The following GLT1D1 variants were observed in gnomAD, a reference collection of about 807,000 sequenced individuals.
The protein encoded by GLT1D1 is glycosyltransferase 1 domain containing 1, also known as glycosyltransferase 1 domain-containing protein 1.
GLT1D1 carries 21 observed loss-of-function variants against 28.7 expected under a neutral mutation model. The ratio of observed to expected loss-of-function variants is 0.73; its 90% confidence interval spans 0.52 to 1.05. The LOEUF is 1.05. Ranked by LOEUF, GLT1D1 falls within the 50% of genes least tolerant of loss-of-function variation. The pLI is 0.00. For synonymous variants in GLT1D1, 147 were observed against 124.8 expected (o/e 1.18, Z -1.19); for missense variants, 343 against 330.6 (o/e 1.04, Z -0.29).
At chr12:128,959,982 T>C (rs1218409921) in intron 7 of GLT1D1, among the ~76,000 whole-genome samples, 3 of 152,200 alleles carry the variant, frequency 2.0e-5, no homozygotes, top group African/African-American at 7.2e-5. Flanking sequence ...ATGAGAGCTG[T>C]TTGGCTCTTC....
rs370643851 is a variant in GLT1D1, at chr12:128,871,353, G to T, written c.69-4561G>T. ...GTCAGTTACCTTCAGCATTTCCAAA[G>T]GATACTAGGTTTGGTGGGGAGAGAA... On this transcript the variant is annotated intron_variant, in intron 1 of 7. Coordinates refer to ENST00000281703, the MANE Select transcript of GLT1D1 (RefSeq NM_144669.3). Among the ~76,000 whole-genome samples the T allele has an allele frequency of 3.3e-5, 5 of 152,278 alleles. No individual in the cohort carries two copies. In the South Asian group the frequency reaches 1.0e-3, roughly 32 times the overall value.
At chr12:128,862,037 T>C (rs560838469) in intron 1 of GLT1D1, among the ~76,000 whole-genome samples, 3 of 152,320 alleles carry the variant, frequency 2.0e-5, no homozygotes, top group African/African-American at 7.2e-5. Flanking sequence ...CGTCCAAAGA[T>C]AGCCATTGAG....
intron 2 of GLT1D1, among the ~76,000 whole-genome samples, chr12:128,883,083 C>T (rs1329997923): frequency 1.3e-5 from 2 of 151,452 alleles, no homozygotes; most frequent in South Asian, 2.1e-4. Context: ...CGCGCCACCA[C>T]GCCCAGCTAA....
At chr12:128,901,440 T>TCTCA in intron 4 of GLT1D1, among the ~76,000 whole-genome samples, 1 of 34,684 alleles carries the variant, frequency 2.9e-5, no homozygotes, top group Non-Finnish European at 6.6e-5. Flanking sequence ...CTCTCTCTCA[T>TCTCA]TTTTTTTTTT....
At chr12:128,855,159 T>C (rs550259518) in intron 1 of GLT1D1, among the ~76,000 whole-genome samples, 133 of 137,166 alleles carry the variant, frequency 9.7e-4, no homozygotes, top group African/African-American at 3.3e-3. Flanking sequence ...GCTGTTGCAG[T>C]GAGCCAATTG....
At chr12:128,893,917 A>G (rs1869351249) in intron 3 of GLT1D1, among the ~76,000 whole-genome samples, 1 of 152,150 alleles carries the variant, frequency 6.6e-6, no homozygotes, top group Non-Finnish European at 1.5e-5. Flanking sequence ...TCAGTTTTGA[A>G]GTTTCCCAGC....
chr12:128,930,888 T>C (rs1488454074), intron 4 of GLT1D1, among the ~76,000 whole-genome samples: 3 of 152,218 alleles, frequency 2.0e-5, no homozygotes, highest in Non-Finnish European at 4.4e-5. Flanking sequence ...TAATGGCTTC[T>C]TAAGTAATAG....
intron 7 of GLT1D1, among the ~76,000 whole-genome samples, chr12:128,981,058 A>G (rs988471389): frequency 6.6e-6 from 1 of 152,230 alleles, no homozygotes; most frequent in African/African-American, 2.4e-5. Flanking sequence ...CCAGAGCCTC[A>G]GGGAGTGACT....
chr12:128,883,958 CAA>C (rs757460287), intron 2 of GLT1D1, among the ~76,000 whole-genome samples: 3 of 152,088 alleles, frequency 2.0e-5, no homozygotes, highest in Non-Finnish European at 2.9e-5. Flanking sequence ...ATTTCAGAAA[CAA>C]GGGATGACTG....
chr12:128,860,798 G>T (rs1374596439), intron 1 of GLT1D1, among the ~76,000 whole-genome samples: 1 of 152,142 alleles, frequency 6.6e-6, no homozygotes, highest in South Asian at 2.1e-4. Flanking sequence ...TGGTGGTGAG[G>T]TTGGAAGGAA....
intron 2 of GLT1D1, 111 bp downstream of exon 2, chr12:128,876,173 T>C (rs1593067398): frequency 7.6e-6 from 7 of 924,404 alleles, no homozygotes; most frequent in African/African-American, 1.7e-5. Context: ...AGTTCAGAAA[T>C]GGGAGACATG....
chr12:128,935,164 C>T (rs1008473510), intron 4 of GLT1D1, among the ~76,000 whole-genome samples: 2 of 152,232 alleles, frequency 1.3e-5, no homozygotes, highest in East Asian at 3.8e-4. Context: ...TGGGCGCAGC[C>T]AGGAGGCAGT....
chr12:128,910,503 A>G (rs1871398306), intron 4 of GLT1D1, among the ~76,000 whole-genome samples: 2 of 152,140 alleles, frequency 1.3e-5, no homozygotes, highest in African/African-American at 4.8e-5. Context: ...TTTACCATCC[A>G]TCTTCAAGAT....
chr12:128,874,126 CTTTCTTTCTTTCTTTCTTTCTTTCTT>C (rs1360874504), intron 1 of GLT1D1, among the ~76,000 whole-genome samples: 13 of 38,144 alleles, frequency 3.4e-4, no homozygotes, highest in East Asian at 1.8e-3. Flanking sequence ...CTCTCTCTCT[CTTTCTTTCTTTCTTTCTTTCTTTCTT>C]TCTTTCTTTC....
chr12:128,967,590 G>A (rs923549354), intron 7 of GLT1D1, among the ~76,000 whole-genome samples: 6 of 152,204 alleles, frequency 3.9e-5, no homozygotes, highest in African/African-American at 7.2e-5. Flanking sequence ...AGGGGAAGCC[G>A]TGGAATATGG....
At chr12:128,966,209 T>G (rs988816364) in intron 7 of GLT1D1, among the ~76,000 whole-genome samples, 5 of 152,230 alleles carry the variant, frequency 3.3e-5, no homozygotes, top group Admixed American at 3.3e-4. Context: ...GACAGCAGAA[T>G]GCTCCTGGGA....
intron 5 of GLT1D1, among the ~76,000 whole-genome samples, chr12:128,946,493 C>T (rs182937062): frequency 7.4e-4 from 112 of 151,964 alleles, no homozygotes; most frequent in African/African-American, 2.6e-3. Flanking sequence ...ACTACAGGCA[C>T]CCGCCGCTGC....
chr12:128,964,331 C>A (rs1457042250), intron 7 of GLT1D1, among the ~76,000 whole-genome samples: 2 of 152,194 alleles, frequency 1.3e-5, no homozygotes, highest in Admixed American at 6.5e-5. Flanking sequence ...TGCAAGGGAG[C>A]CATGTTGGCG....
intron 2 of GLT1D1, among the ~76,000 whole-genome samples, chr12:128,883,435 C>A (rs1957106801): frequency 6.6e-6 from 1 of 150,744 alleles, no homozygotes; most frequent in African/African-American, 2.4e-5. Context: ...ACTAAAAATA[C>A]AAAAATTAGC....
Sources: allele counts gnomAD v4.1 joint callset (sites outside exome capture counted in the v4.1 genomes callset), GRCh38; gene constraint gnomAD v4.1.1; transcripts MANE v1.5; gene names NCBI Gene and HGNC (gene_info 2026-07-23, HGNC 2026-07-21).